The following CDH12 variants were observed in gnomAD, a reference collection of about 807,000 sequenced individuals.
CDH12 encodes cadherin 12, also known as cadherin-12.
CDH12 carries 41 observed loss-of-function variants against 74.1 expected under a neutral mutation model. That is an observed-to-expected ratio of 0.55 (90% CI 0.43 to 0.72). CDH12 has a LOEUF of 0.72. CDH12 is among the 30% of genes least tolerant of loss of function. CDH12 has a pLI of 0.00. For missense variants in CDH12, 945 were observed against 977.2 expected (o/e 0.97, Z 0.44); for synonymous variants, 399 against 355.0 (o/e 1.12, Z -1.39).
chr5:22,688,061 C>T (rs1741902746), intron 1 of CDH12, among the ~76,000 whole-genome samples: 1 of 151,958 alleles, frequency 6.6e-6, no homozygotes, highest in Admixed American at 6.6e-5. Flanking sequence ...GCTTCATGTA[C>T]TGCATTTGTA....
intron 1 of CDH12, among the ~76,000 whole-genome samples, chr5:22,735,431 A>C (rs1483408146): frequency 1.3e-5 from 2 of 151,944 alleles, no homozygotes; most frequent in Non-Finnish European, 2.9e-5. Flanking sequence ...ATTTACATAT[A>C]AAATATAAAT....
chr5:21,894,985 T>A (rs1753056163), intron 6 of CDH12, among the ~76,000 whole-genome samples: 1 of 150,132 alleles, frequency 6.7e-6, no homozygotes, highest in African/African-American at 2.4e-5. Context: ...CCAAAATTAC[T>A]TTTGCACCAA....
chr5:21,767,684 T>A (rs1029498196), intron 11 of CDH12, among the ~76,000 whole-genome samples: 15 of 151,710 alleles, frequency 9.9e-5, no homozygotes, highest in Non-Finnish European at 1.5e-4. Context: ...ACAAAAAAGA[T>A]GTTTACATTG....
chr5:22,681,880 C>A (rs1390454221), intron 1 of CDH12, among the ~76,000 whole-genome samples: 1 of 151,684 alleles, frequency 6.6e-6, no homozygotes. Context: ...GAAATAGAGG[C>A]AGAATTTACT....
chr5:22,663,534 AT>A lies in CDH12; in HGVS notation c.-522-158171del, dbSNP rs1740454205. 3.3e-5 allele frequency among the ~76,000 whole-genome samples: 5 copies of A among 152,356 alleles called. No individual in the cohort carries two copies. The South Asian group carries it at 1.0e-3, about 32-fold the overall frequency. On this transcript the variant is annotated intron_variant, in intron 1 of 14. Coordinates refer to ENST00000382254, the MANE Select transcript of CDH12 (RefSeq NM_004061.5). ...CATAGGCTATTATGAAAAATAGAAA[AT>A]AATTCACATACTTTAGTTTGTAAAT...
Position 22,810,992 on chromosome 5 carries a change from CATACACATATAGACATACACAT to C in CDH12, c.-523+42044_-523+42065del, listed in dbSNP as rs1052252304. Among the ~76,000 whole-genome samples, 10 of 147,342 alleles carry C rather than the reference CATACACATATAGACATACACAT, an allele frequency of 6.8e-5. No homozygotes were observed. The East Asian group carries it at 1.9e-3, about 29-fold the overall frequency. On this transcript the variant is annotated intron_variant, in intron 1 of 14. Transcript: ENST00000382254. ...ACATATATACATACATATGTACATA[CATACACATATAGACATACACAT>C]ATATACATATGTACATACATAAATA...
chr5:22,743,360 T>C (rs1014440739), intron 1 of CDH12, among the ~76,000 whole-genome samples: 2 of 151,124 alleles, frequency 1.3e-5, no homozygotes, highest in African/African-American at 2.4e-5. Context: ...AGAACTCTGA[T>C]GAATGCATGC....
intron 1 of CDH12, among the ~76,000 whole-genome samples, chr5:22,612,369 T>A (rs1180327531): frequency 6.6e-6 from 1 of 152,162 alleles, no homozygotes; most frequent in Non-Finnish European, 1.5e-5. Context: ...AAACACTGTT[T>A]ATCTTTGTGC....
At chr5:22,491,764 A>G (rs547559055) in intron 2 of CDH12, among the ~76,000 whole-genome samples, 1 of 152,200 alleles carries the variant, frequency 6.6e-6, no homozygotes, top group Non-Finnish European at 1.5e-5. Context: ...TAAACAATAG[A>G]CAATTATTGT....
At position 21,942,367 on chromosome 5, in the gene CDH12, C is replaced by T. The variant is rs1490216053; in HGVS notation, c.526+32724G>A. On this transcript the variant is annotated intron_variant, in intron 6 of 14. Transcript: ENST00000382254. ...ATATATACACACACACACACACACA[C>T]ACACACACACACACACACACACATA... Among the ~76,000 whole-genome samples, 267 of 138,198 alleles carry T rather than the reference C, an allele frequency of 1.9e-3. 4 individuals carry two copies. The highest frequency in any genetic ancestry group is 7.1e-3 in the African/African-American group (214 of 30,342). 90.7% of individuals were successfully genotyped at this position (138,198 alleles called of 152,430 possible). A position where few individuals can be genotyped will look rare whatever the true frequency, so the allele number is the denominator to read the frequency against.
At chr5:21,944,877 G>A (rs1328112766) in intron 6 of CDH12, among the ~76,000 whole-genome samples, 4 of 152,110 alleles carry the variant, frequency 2.6e-5, no homozygotes, top group Non-Finnish European at 5.9e-5. Flanking sequence ...CAGTCTACAA[G>A]AAGGAAGTAT....
chr5:22,013,022 A>G (rs1235122031), intron 5 of CDH12, among the ~76,000 whole-genome samples: 3 of 149,984 alleles, frequency 2.0e-5, no homozygotes, highest in Non-Finnish European at 4.4e-5. Flanking sequence ...ACCAAACTGC[A>G]AGGGGCCAGG....
intron 3 of CDH12, among the ~76,000 whole-genome samples, chr5:22,255,213 T>C (rs1427918480): frequency 6.6e-6 from 1 of 151,866 alleles, no homozygotes; most frequent in Admixed American, 6.6e-5. Context: ...AAGTGGGAAG[T>C]GACCTTTTTA....
Position 21,751,996 on chromosome 5 carries a change from T to A in CDH12, c.2126A>T (p.Asp709Val), listed in dbSNP as rs1042267586. The A allele has an allele frequency of 2.5e-6, 4 of 1,614,144 alleles. No individual in the cohort carries two copies. In the Admixed American group the frequency reaches 6.7e-5, roughly 27 times the overall value. Residue 709 changes from aspartate (D) to valine (V), a missense_variant, in exon 15 of 15, where the codon GAT (aspartate) becomes GTT (valine). Asp to Val is a radical substitution (Grantham distance 152, BLOSUM62 -3). Around this residue, in one of 3 missense-constraint regions of CDH12, gnomAD observed 791 missense variants for 792.8 expected, o/e 1.00. Transcript: ENST00000382254. ...CLPRQRPPME[D>V]NTDIRDFIHQ... is the part of the protein sequence containing the mutation. ...AATGAAATCCCTTATGTCTGTGTTA[T>A]CTTCCATGGGTGGTCTCTGACGAGG...
chr5:22,353,913 A>C (rs1740458074), intron 3 of CDH12, among the ~76,000 whole-genome samples: 1 of 152,214 alleles, frequency 6.6e-6, no homozygotes, highest in Non-Finnish European at 1.5e-5. Context: ...TAAAGGAGAC[A>C]GAATTAACAG....
intron 3 of CDH12, among the ~76,000 whole-genome samples, chr5:22,221,240 G>A (rs752789120): frequency 2.6e-5 from 4 of 151,800 alleles, no homozygotes; most frequent in East Asian, 3.9e-4. Flanking sequence ...TTTCAAATAC[G>A]AAAACTAGAG....
At chr5:22,140,896 C>T (rs1177519724) in intron 4 of CDH12, among the ~76,000 whole-genome samples, 2 of 152,170 alleles carry the variant, frequency 1.3e-5, no homozygotes, top group Admixed American at 1.3e-4. Flanking sequence ...GTCTGTCCTC[C>T]TCACATTTCA....
At chr5:21,758,361 C>G (rs1744520576) in intron 13 of CDH12, among the ~76,000 whole-genome samples, 1 of 152,086 alleles carries the variant, frequency 6.6e-6, no homozygotes, top group Admixed American at 6.6e-5. Flanking sequence ...TGTGGAGACT[C>G]TGATTTTGTG....
chr5:22,027,827 T>A (rs1462771675), intron 5 of CDH12, among the ~76,000 whole-genome samples: 1 of 152,166 alleles, frequency 6.6e-6, no homozygotes, highest in Non-Finnish European at 1.5e-5. Context: ...AGTTCTGCTC[T>A]GATTTTAGTT....
Sources: allele counts gnomAD v4.1 joint callset (sites outside exome capture counted in the v4.1 genomes callset), GRCh38; gene constraint gnomAD v4.1.1; regional missense constraint gnomAD v4.1.1; transcripts MANE v1.5; gene names NCBI Gene and HGNC (gene_info 2026-07-23, HGNC 2026-07-21).